TTYH2: variants seen among roughly 807,000 people sequenced by gnomAD.
TTYH2 encodes the protein tweety family member 2, also known as protein tweety homolog 2.
In TTYH2, 49 loss-of-function variants were observed where a neutral mutation model predicts 68.3. The ratio of observed to expected loss-of-function variants is 0.72; its 90% confidence interval spans 0.57 to 0.91. The LOEUF is 0.91. TTYH2 is among the 40% of genes least tolerant of loss of function. TTYH2 has a pLI of 0.00. For missense variants in TTYH2, 631 were observed against 700.4 expected (o/e 0.90, Z 1.12); for synonymous variants, 272 against 300.8 (o/e 0.90, Z 0.99).
rs773235765 is a variant in TTYH2 at position 74,237,486 on chromosome 17, G to A, written c.607G>A (p.Asp203Asn). 6.8e-6 allele frequency: 11 copies of A among 1,613,230 alleles called. No individual in the cohort carries two copies. Among genetic ancestry groups the A allele is most frequent in the South Asian group, 3.3e-5 (3 of 90,970 alleles). The change falls in exon 4 of 14, where the codon GAC (aspartate) becomes AAC (asparagine). Residue 203 changes from aspartate (D) to asparagine (N), a missense_variant. Asp to Asn is a conservative substitution (Grantham distance 23). Transcript: ENST00000269346. The stretch of plus-strand genomic sequence containing the variant: ...CACCATGGAGCTGACCAAGCTATCC[G>A]ACCAGACTGGCTACGTGGAGTACTA... The part of the protein sequence containing the change: ...EVTMELTKLS[D>N]QTGYVEYYRW...
At position 74,222,724 on chromosome 17, in the gene TTYH2, A is replaced by G. The variant is rs1373756357; in HGVS notation, c.302+67A>G. The stretch of plus-strand genomic sequence containing the variant: ...TCTGCAAGGGGCCAGGGACTGTTTG[A>G]CCATGTTCTGACGGAGCTCCAGCTA... On this transcript the variant is annotated intron_variant, in intron 2 of 13. Coordinates refer to ENST00000269346, the MANE Select transcript of TTYH2 (RefSeq NM_032646.6). This position sits in a 1 kb window ranked among gnomAD's most constrained non-coding sequence, Gnocchi z 5.2. 6.8e-7 allele frequency: 1 copy of G among 1,464,640 alleles called. No homozygotes were observed. Among genetic ancestry groups the G allele is most frequent in the Non-Finnish European group, 9.1e-7 (1 of 1,104,672 alleles). 90.7% of individuals were successfully genotyped at this position (1,464,640 alleles called of 1,614,324 possible).
At chr17:74,223,391 G>T (rs748835352) in intron 2 of TTYH2, among the ~76,000 whole-genome samples, 1 of 152,072 alleles carries the variant, frequency 6.6e-6, no homozygotes. Context: ...CTCCAAAAGT[G>T]CTGGGATTAC....
intron 8 of TTYH2, 48 bp from the exon 9 acceptor site, chr17:74,249,887 CT>C: frequency 1.4e-6 from 2 of 1,470,792 alleles, no homozygotes; most frequent in Non-Finnish European, 1.9e-6. Flanking sequence ...CACTGTGGGG[CT>C]CCTGGGAGAC....
intron 2 of TTYH2, among the ~76,000 whole-genome samples, chr17:74,225,857 G>A (rs946750630): frequency 1.3e-5 from 2 of 152,230 alleles, no homozygotes; most frequent in African/African-American, 4.8e-5. Flanking sequence ...ACAGAGGAGG[G>A]ACAGGTCCAG....
intron 4 of TTYH2, among the ~76,000 whole-genome samples, chr17:74,240,080 T>C (rs1180321597): frequency 6.6e-6 from 1 of 152,192 alleles, no homozygotes; most frequent in East Asian, 1.9e-4. Context: ...CAACTGCACA[T>C]CAGCTATTTC....
At chr17:74,228,650 C>T (rs1019372403) in intron 2 of TTYH2, among the ~76,000 whole-genome samples, 1 of 151,338 alleles carries the variant, frequency 6.6e-6, no homozygotes, top group Non-Finnish European at 1.5e-5. Context: ...GGCTTAACAG[C>T]AATTCTTGGG....
chr17:74,248,860 A>G lies in TTYH2; in HGVS notation c.805-151A>G, dbSNP rs144755449. ...AACAGAGCTAGGAAGGGGCAGAGCC[A>G]GGTTTGAACCCAGGAGGCTGGCTCC... On this transcript the variant is annotated intron_variant, in intron 6 of 13. Transcript: ENST00000269346. 2.8e-4 allele frequency: 420 copies of G among 1,477,536 alleles called. No individual in the cohort carries two copies. The African/African-American group carries it at 5.4e-3, about 19-fold the overall frequency. 91.5% of individuals were successfully genotyped at this position (1,477,536 alleles called of 1,614,324 possible). A position where few individuals can be genotyped will look rare whatever the true frequency, so the allele number is the denominator to read the frequency against.
At chr17:74,237,651 G>A (rs1454102174) in intron 4 of TTYH2, 137 bp downstream of exon 4, 3 of 769,386 alleles carry the variant, frequency 3.9e-6, no homozygotes, top group Non-Finnish European at 6.1e-6. Flanking sequence ...TTTTAAGACA[G>A]AGTCTTGCTC....
In TTYH2 at chr17:74,237,416, C is replaced by T. The variant is rs750623426; in HGVS notation, c.537C>T (p.Gly179=). 1 of 1,614,156 alleles carries T rather than the reference C, an allele frequency of 6.2e-7. No individual in the cohort carries two copies. The highest frequency in any genetic ancestry group is 8.5e-7 in the Non-Finnish European group (1 of 1,180,030). The change falls in exon 4 of 14, where the codon GGC becomes GGT. Residue 179 remains glycine (G), a synonymous_variant. Coordinates refer to ENST00000269346, the MANE Select transcript of TTYH2 (RefSeq NM_032646.6). ...TGAAGTTCATACAGCAGATGGCGGGCAGCGTTGTTGTTCAGCTCTCAGGAC... is the reference window on the plus strand; with the variant it reads ...TGAAGTTCATACAGCAGATGGCGGGTAGCGTTGTTGTTCAGCTCTCAGGAC... ...QTLKFIQQMA[G]SVVVQLSGLP...
chr17:74,253,750 C>G lies in TTYH2; in HGVS notation c.1446-5C>G. The G allele has an allele frequency of 6.2e-7, 1 of 1,614,126 alleles. No individual in the cohort carries two copies. The highest frequency in any genetic ancestry group is 8.5e-7 in the Non-Finnish European group (1 of 1,179,992). On this transcript the variant is annotated splice_polypyrimidine_tract_variant and splice_region_variant and intron_variant, in intron 12 of 13. Coordinates refer to ENST00000269346, the MANE Select transcript of TTYH2 (RefSeq NM_032646.6). The stretch of plus-strand genomic sequence containing the variant: ...CCCTCCTGAGCTCTCCTCTCATCCC[C>G]GCAGGAACCAAGCCATGCTCTTTGG...
rs1022566454 is a variant in TTYH2, at chr17:74,261,693, G to C, written c.*1484G>C. 1.3e-5 allele frequency: 2 copies of C among 152,460 alleles called. No homozygotes were observed. Among genetic ancestry groups the C allele is most frequent in the Admixed American group, 6.5e-5 (1 of 15,278 alleles). 9.4% of individuals were successfully genotyped at this position (152,460 alleles called of 1,614,324 possible). A position where few individuals can be genotyped will look rare whatever the true frequency, so the allele number is the denominator to read the frequency against. On this transcript the variant is annotated 3_prime_UTR_variant, in exon 14 of 14. Transcript: ENST00000269346. ...AAGAACCACCTGTCATCAAAACATG[G>C]ACAGCAGGGTGTTCTCAGCTCCCAG...
chr17:74,249,415 G>A lies in TTYH2; in HGVS notation c.930+16G>A. ...CTTCCAGCAGGTATGGCCCCCCGAG[G>A]CCTGCCCTCACCCTGCCCACAGCCG... On this transcript the variant is annotated intron_variant, in intron 8 of 13. Transcript: ENST00000269346. 16 of 1,613,222 alleles carry A rather than the reference G, an allele frequency of 9.9e-6. No individual in the cohort carries two copies. The highest frequency in any genetic ancestry group is 1.3e-5 in the Non-Finnish European group (15 of 1,179,926).
intron 3 of TTYH2, 95 bp from the exon 4 acceptor site, chr17:74,237,199 C>G (rs1598222206): frequency 7.9e-7 from 1 of 1,273,802 alleles, no homozygotes; most frequent in East Asian, 2.3e-5. Flanking sequence ...ATTATCGCAC[C>G]TGGCCAGGCC....
rs771941783 is a variant in TTYH2, at chr17:74,250,069, C to T, written c.1023+41C>T. The T allele has an allele frequency of 1.9e-6, 3 of 1,602,990 alleles. No homozygotes were observed. The Admixed American group carries it at 5.0e-5, about 27-fold the overall frequency. ...AGGAAGAGGGGAGCCCCAGATGAACCCTGACAGCCCTTTCCCCTGCCCCGG... is the reference window on the plus strand; with the variant it reads ...AGGAAGAGGGGAGCCCCAGATGAACTCTGACAGCCCTTTCCCCTGCCCCGG... On this transcript the variant is annotated intron_variant, in intron 9 of 13. Transcript: ENST00000269346.
Position 74,213,644 on chromosome 17 carries a change from C to G in TTYH2, c.57C>G (p.Ser19Arg). The change falls in exon 1 of 14, where the codon AGC becomes AGG. Residue 19 changes from serine to arginine, a missense_variant. Ser to Arg is a moderately radical substitution (Grantham distance 110). Coordinates refer to ENST00000269346, the MANE Select transcript of TTYH2 (RefSeq NM_032646.6). This position sits in a 1 kb window ranked among gnomAD's most constrained non-coding sequence, Gnocchi z 6.1. ...CCTGGTGGGTCGTGTGGCTGCACAGCGTCCCGCACGTCGGCCTGCGCCTGC... is the reference window on the plus strand; with the variant it reads ...CCTGGTGGGTCGTGTGGCTGCACAGGGTCCCGCACGTCGGCCTGCGCCTGC... ...IAPWWVVWLH[S>R]VPHVGLRLQP... 6.2e-7 allele frequency: 1 copy of G among 1,612,050 alleles called. No homozygotes were observed. The highest frequency in any genetic ancestry group is 1.1e-5 in the South Asian group (1 of 90,942).
intron 5 of TTYH2, among the ~76,000 whole-genome samples, chr17:74,243,726 T>C (rs1033860266): frequency 1.4e-4 from 22 of 152,178 alleles, no homozygotes; most frequent in African/African-American, 5.3e-4. Flanking sequence ...GAAACATGGG[T>C]CCGTGCATGA....
In TTYH2 at chr17:74,260,368, G is replaced by C. The variant is rs2050737584; in HGVS notation, c.*159G>C. On this transcript the variant is annotated 3_prime_UTR_variant, in exon 14 of 14. Transcript: ENST00000269346. ...GGGATTCCCGACCAAAGCCCCAGGG[G>C]GTGCAGAAGACTCACCACGCGGGCC... 2.8e-6 allele frequency: 2 copies of C among 712,510 alleles called. No homozygotes were observed. The highest frequency in any genetic ancestry group is 1.7e-5 in the South Asian group (1 of 59,424). The allele number at this position is 712,510 out of a possible 1,614,324, so 44.1% of individuals were successfully genotyped here.
Position 74,239,549 on chromosome 17 carries a change from G to A in TTYH2, c.635+2035G>A, listed in dbSNP as rs542098646. ...GAGGTCACTGCTGGACTGAGTCCAG[G>A]GGCCTCTCCCCTTCCCAAAAATAGG... On this transcript the variant is annotated intron_variant, in intron 4 of 13. Transcript: ENST00000269346. This position sits in a 1 kb window ranked among gnomAD's most constrained non-coding sequence, Gnocchi z 5.3. Among the ~76,000 whole-genome samples the A allele has an allele frequency of 2.0e-5, 3 of 152,272 alleles. No individual in the cohort carries two copies. The highest frequency in any genetic ancestry group is 3.9e-4 in the East Asian group (2 of 5,184).
At chr17:74,259,366 A>C (rs1312153755) in intron 13 of TTYH2, among the ~76,000 whole-genome samples, 1 of 151,962 alleles carries the variant, frequency 6.6e-6, no homozygotes, top group East Asian at 1.9e-4. Context: ...GGTGCATGCC[A>C]CCATGCCCAG....
Sources: allele counts gnomAD v4.1 joint callset (sites outside exome capture counted in the v4.1 genomes callset), GRCh38; gene constraint gnomAD v4.1.1; non-coding constraint Gnocchi (gnomAD v3.1); transcripts MANE v1.5; gene names NCBI Gene and HGNC (gene_info 2026-07-23, HGNC 2026-07-21).